NBEA: variants seen among roughly 807,000 people sequenced by gnomAD.
The protein encoded by NBEA is neurobeachin, also known as lysosomal-trafficking regulator 2.
Under a neutral mutation model 343.4 loss-of-function variants are expected in NBEA, and 44 were observed. The ratio of observed to expected loss-of-function variants is 0.13; its 90% CI spans 0.10 to 0.16. NBEA has a LOEUF of 0.16. Among genes scored for constraint, NBEA ranks in the 10% least tolerant of loss-of-function variants. The pLI is 1.00. For missense variants in NBEA, 2,555 were observed against 3,631.3 expected (o/e 0.70, Z 7.62); for synonymous variants, 1,175 against 1,238.7 (o/e 0.95, Z 1.08).
intron 11 of NBEA, among the ~76,000 whole-genome samples, chr13:35,104,365 T>C (rs762718873): frequency 6.6e-6 from 1 of 151,968 alleles, no homozygotes; most frequent in African/African-American, 2.4e-5. Context: ...TCTGCCTCCT[T>C]CTGCTAGAAT....
intron 26 of NBEA, among the ~76,000 whole-genome samples, chr13:35,173,105 A>G (rs1305335750): frequency 1.1e-5 from 1 of 88,078 alleles, no homozygotes; most frequent in Non-Finnish European, 2.3e-5. Flanking sequence ...TTTTAAATCA[A>G]ATATGAATTT....
chr13:35,006,776 C>T (rs919277783), intron 1 of NBEA, among the ~76,000 whole-genome samples: 1 of 152,162 alleles, frequency 6.6e-6, no homozygotes, highest in Non-Finnish European at 1.5e-5. Flanking sequence ...TTGAAAGAGT[C>T]TCACTCTGTT....
At chr13:35,031,006 T>C (rs2062194191) in intron 1 of NBEA, among the ~76,000 whole-genome samples, 1 of 151,652 alleles carries the variant, frequency 6.6e-6, no homozygotes, top group African/African-American at 2.4e-5. Flanking sequence ...ATGTAATTAT[T>C]TGGCTCTACC....
intron 36 of NBEA, among the ~76,000 whole-genome samples, chr13:35,322,155 C>T (rs183213968): frequency 4.2e-4 from 64 of 152,254 alleles, no homozygotes; most frequent in Middle Eastern, 6.8e-3. Flanking sequence ...GAAAAAAAAA[C>T]TCCTGCAGCT....
chr13:35,548,447 C>T (rs149877157), intron 41 of NBEA, among the ~76,000 whole-genome samples: 166 of 152,222 alleles, frequency 1.1e-3, no homozygotes, highest in African/African-American at 3.8e-3. Context: ...TGTGTATACA[C>T]ATGTGAGATA....
At chr13:34,966,017 TGA>T (rs2059809934) in intron 1 of NBEA, among the ~76,000 whole-genome samples, 1 of 152,076 alleles carries the variant, frequency 6.6e-6, no homozygotes. Flanking sequence ...ACATCAATTA[TGA>T]GTTACATGTT....
chr13:34,963,924 T>C (rs2059740621), intron 1 of NBEA, among the ~76,000 whole-genome samples: 1 of 152,056 alleles, frequency 6.6e-6, no homozygotes, highest in African/African-American at 2.4e-5. Context: ...AAACCTCTGT[T>C]AAGTGCATAT....
At chr13:35,471,669 T>A (rs901094489) in intron 40 of NBEA, among the ~76,000 whole-genome samples, 8 of 152,230 alleles carry the variant, frequency 5.3e-5, no homozygotes, top group Admixed American at 2.0e-4. Context: ...CTAGTGAAGC[T>A]GTTTCTGTAG....
chr13:35,628,265 A>T lies in NBEA; in HGVS notation c.7617+17A>T, dbSNP rs371897742. 6.6e-7 allele frequency: 1 copy of T among 1,523,898 alleles called. No homozygotes were observed. The highest frequency in any genetic ancestry group is 8.8e-7 in the Non-Finnish European group (1 of 1,133,218). 94.4% of individuals were successfully genotyped at this position (1,523,898 alleles called of 1,614,324 possible). A position where few individuals can be genotyped will look rare whatever the true frequency, so the allele number is the denominator to read the frequency against. ...CTCAGGGAGGTAGGTGTTAAATCCCATATTATTCCAAAAATTTCTGTCATC... is the reference window on the plus strand; with the variant it reads ...CTCAGGGAGGTAGGTGTTAAATCCCTTATTATTCCAAAAATTTCTGTCATC... On this transcript the variant is annotated intron_variant, in intron 49 of 58. Coordinates refer to ENST00000379939, the MANE Select transcript of NBEA (RefSeq NM_001385012.1).
chr13:35,228,604 A>T (rs1350598087), intron 33 of NBEA, among the ~76,000 whole-genome samples: 4 of 152,024 alleles, frequency 2.6e-5, no homozygotes, highest in Non-Finnish European at 4.4e-5. Context: ...ATGTGTATAC[A>T]TCATTTAGCG....
At chr13:35,473,171 T>G (rs2075728255) in intron 41 of NBEA, among the ~76,000 whole-genome samples, 1 of 152,218 alleles carries the variant, frequency 6.6e-6, no homozygotes, top group African/African-American at 2.4e-5. Flanking sequence ...ATTTATTAAA[T>G]GTTATTGTGT....
chr13:35,270,991 C>G (rs527270962), intron 34 of NBEA, among the ~76,000 whole-genome samples: 2 of 152,346 alleles, frequency 1.3e-5, no homozygotes, highest in East Asian at 1.9e-4. Context: ...CCGAAGAGAG[C>G]AGTGGTTCCC....
At chr13:34,978,469 A>G (rs903162589) in intron 1 of NBEA, among the ~76,000 whole-genome samples, 1 of 152,190 alleles carries the variant, frequency 6.6e-6, no homozygotes. Context: ...CTGAAATTCA[A>G]TGTTTGGCTA....
intron 41 of NBEA, chr13:35,475,342 C>T (rs1362367464): frequency 6.2e-7 from 1 of 1,613,984 alleles, no homozygotes. Flanking sequence ...CAAGGGCTGG[C>T]CCGGCAGTTC....
intron 1 of NBEA, among the ~76,000 whole-genome samples, chr13:34,982,078 G>C (rs1219470421): frequency 6.6e-6 from 1 of 151,590 alleles, no homozygotes; most frequent in African/African-American, 2.4e-5. Context: ...ATTAATTTAT[G>C]TTCTTATTAT....
chr13:35,565,703 T>G (rs541039530), intron 44 of NBEA, among the ~76,000 whole-genome samples: 2 of 152,338 alleles, frequency 1.3e-5, no homozygotes, highest in African/African-American at 2.4e-5. Context: ...TTTCACCTGA[T>G]CATGTTTTTT....
At chr13:35,352,395 T>A in intron 38 of NBEA, 72 bp downstream of exon 38, 1 of 815,156 alleles carries the variant, frequency 1.2e-6, no homozygotes, top group South Asian at 5.1e-5. Flanking sequence ...AAAATATGGC[T>A]ACAAATTTAA....
intron 38 of NBEA, among the ~76,000 whole-genome samples, chr13:35,382,602 A>T (rs2042066980): frequency 6.6e-6 from 1 of 152,136 alleles, no homozygotes; most frequent in South Asian, 2.1e-4. Flanking sequence ...TAATGCAAAA[A>T]GGGAGTGAAT....
At chr13:35,211,972 A>G (rs531525544) in intron 33 of NBEA, among the ~76,000 whole-genome samples, 1 of 151,442 alleles carries the variant, frequency 6.6e-6, no homozygotes, top group Admixed American at 6.6e-5. Context: ...ACTGGCCCTC[A>G]TTCTTGGAGT....
Sources: gnomAD v4.1 joint callset for allele counts (sites outside exome capture counted in the v4.1 genomes callset) on GRCh38, gnomAD v4.1.1 for gene constraint, MANE v1.5 for transcripts, NCBI Gene and HGNC (gene_info 2026-07-23, HGNC 2026-07-21) for gene names.